The following ITGB1 variants were observed in gnomAD, a reference collection of about 807,000 sequenced individuals.
ITGB1 encodes the protein integrin subunit beta 1, also known as integrin beta-1.
A neutral mutation model predicts 86.5 loss-of-function variants in ITGB1; 24 were observed. The ratio of observed to expected loss-of-function variants is 0.28; its 90% CI spans 0.20 to 0.39. The LOEUF (loss-of-function observed/expected upper bound fraction) is 0.39, where lower values mean the gene tolerates loss of function less well. ITGB1 is among the 10% of genes least tolerant of loss of function. The pLI is 1.00. For synonymous variants in ITGB1, 323 were observed against 316.8 expected (o/e 1.02, Z -0.21); for missense variants, 556 against 946.9 (o/e 0.59, Z 5.42).
At chr10:32,951,102 A>C (rs939981176) in intron 1 of ITGB1, among the ~76,000 whole-genome samples, 9 of 152,214 alleles carry the variant, frequency 5.9e-5, no homozygotes, top group Non-Finnish European at 1.3e-4. Flanking sequence ...ACAGAACAAA[A>C]AGTGAAAGGA....
chr10:32,932,450 T>C (rs2094986542), intron 3 of ITGB1, 65 bp downstream of exon 3: 2 of 862,908 alleles, frequency 2.3e-6, no homozygotes, highest in Non-Finnish European at 4.0e-6. Flanking sequence ...TTCTGAAGGA[T>C]ACAGCACTGA....
At chr10:32,928,996 CTG>C (rs1226866530) in intron 4 of ITGB1, among the ~76,000 whole-genome samples, 1 of 151,930 alleles carries the variant, frequency 6.6e-6, no homozygotes, top group Non-Finnish European at 1.5e-5. Context: ...CAAGAAAAGT[CTG>C]TGTTGCTGCA....
intron 1 of ITGB1, chr10:32,936,157 A>AG (rs1268399832): frequency 2.6e-5 from 4 of 152,334 alleles, no homozygotes; most frequent in Non-Finnish European, 2.9e-5. Flanking sequence ...AACTTCTGCC[A>AG]GGAGCGCTGG....
intron 1 of ITGB1, among the ~76,000 whole-genome samples, chr10:32,940,963 G>T (rs1469302386): frequency 6.6e-6 from 1 of 152,264 alleles, no homozygotes; most frequent in African/African-American, 2.4e-5. Flanking sequence ...CTGCTTCAGG[G>T]AACTTTCAGT....
Position 32,935,554 on chromosome 10 carries a change from T to C in ITGB1, c.5A>G (p.Asn2Ser), listed in dbSNP as rs916061555. The change falls in exon 2 of 16, where the codon AAT becomes AGT. Residue 2 changes from asparagine (N) to serine (S), a missense_variant. Around this residue, in one of 4 missense-constraint regions of ITGB1, gnomAD observed 183 missense variants for 263.9 expected, o/e 0.69. Coordinates refer to ENST00000302278, the MANE Select transcript of ITGB1 (RefSeq NM_002211.4). Reference protein sequence around the residue: MNLQPIFWIGLI... With the variant: MSLQPIFWIGLI... Reference sequence around the variant, plus strand: ...TCCAATCCAGAAAATTGGTTGTAAATTCATCTGAAATGTAAAATGTGCCTT... The same window carrying C: ...TCCAATCCAGAAAATTGGTTGTAAACTCATCTGAAATGTAAAATGTGCCTT... The C allele has an allele frequency of 1.2e-6, 2 of 1,609,192 alleles. No individual in the cohort carries two copies. The highest frequency in any genetic ancestry group is 1.7e-6 in the Non-Finnish European group (2 of 1,175,666).
chr10:32,902,471 T>C (rs1410795475), intron 15 of ITGB1, among the ~76,000 whole-genome samples: 1 of 152,238 alleles, frequency 6.6e-6, no homozygotes, highest in Non-Finnish European at 1.5e-5. Context: ...TATAGCATTC[T>C]TTTTTCTCCT....
At chr10:32,931,003 G>A (rs868677186) in intron 3 of ITGB1, among the ~76,000 whole-genome samples, 7 of 151,966 alleles carry the variant, frequency 4.6e-5, no homozygotes, top group South Asian at 2.1e-4. Flanking sequence ...TCAATTTAAC[G>A]GTGCTGTATA....
intron 15 of ITGB1, among the ~76,000 whole-genome samples, chr10:32,905,413 T>C (rs1375030724): frequency 6.6e-6 from 1 of 152,206 alleles, no homozygotes; most frequent in African/African-American, 2.4e-5. Flanking sequence ...TTAAAGTGAT[T>C]TCCCTAACAT....
At chr10:32,932,325 A>G (rs2094986149) in intron 3 of ITGB1, among the ~76,000 whole-genome samples, 190 bp downstream of exon 3, 1 of 152,178 alleles carries the variant, frequency 6.6e-6, no homozygotes, top group Non-Finnish European at 1.5e-5. Flanking sequence ...GAGCAATTCT[A>G]ATTTGTACAA....
In ITGB1 at chr10:32,908,588, T is replaced by C. The variant is rs922185611; in HGVS notation, c.2165-54A>G. Reference sequence around the variant, plus strand: ...CCACAAAGAGCTGTGCAGTGTCTTATAAAAAACATACAGGAATAAACACCC... The same window carrying C: ...CCACAAAGAGCTGTGCAGTGTCTTACAAAAAACATACAGGAATAAACACCC... On this transcript the variant is annotated intron_variant, in intron 14 of 15. Coordinates refer to ENST00000302278, the MANE Select transcript of ITGB1 (RefSeq NM_002211.4). 7.4e-6 allele frequency: 11 copies of C among 1,491,416 alleles called. No homozygotes were observed. The African/African-American group carries it at 1.4e-4, about 19-fold the overall frequency. The allele number at this position is 1,491,416 out of a possible 1,614,324, so 92.4% of individuals were successfully genotyped here.
chr10:32,903,755 C>T (rs1353144934), intron 15 of ITGB1, among the ~76,000 whole-genome samples: 2 of 152,128 alleles, frequency 1.3e-5, no homozygotes, highest in African/African-American at 2.4e-5. Context: ...GAAGCTAATA[C>T]ATTATACAGC....
At chr10:32,929,461 A>C (rs1438557292) in intron 4 of ITGB1, among the ~76,000 whole-genome samples, 9 of 152,206 alleles carry the variant, frequency 5.9e-5, no homozygotes, top group South Asian at 4.1e-4. Context: ...CAGTTTAATA[A>C]TACTAAACAA....
At chr10:32,928,324 A>G in intron 4 of ITGB1, 60 bp from the exon 5 acceptor site, 1 of 727,810 alleles carries the variant, frequency 1.4e-6, no homozygotes, top group Non-Finnish European at 2.4e-6. Context: ...CGCAAACGAG[A>G]AAAACCAAAT....
chr10:32,952,418 C>T (rs1453652003), intron 1 of ITGB1, among the ~76,000 whole-genome samples: 2 of 150,630 alleles, frequency 1.3e-5, no homozygotes, highest in African/African-American at 2.4e-5. Flanking sequence ...TAACATTATA[C>T]TACCAAATGT....
chr10:32,915,582 T>C (rs2094928961), intron 11 of ITGB1, among the ~76,000 whole-genome samples: 1 of 152,200 alleles, frequency 6.6e-6, no homozygotes, highest in Admixed American at 6.5e-5. Flanking sequence ...GATAAATTCC[T>C]GGACAAATAC....
chr10:32,940,572 T>C (rs2095016055), intron 1 of ITGB1, among the ~76,000 whole-genome samples: 2 of 152,224 alleles, frequency 1.3e-5, no homozygotes, highest in Non-Finnish European at 1.5e-5. Flanking sequence ...TATAATCTTA[T>C]GGGACCACTG....
At chr10:32,939,919 G>A (rs1460112730) in intron 1 of ITGB1, among the ~76,000 whole-genome samples, 2 of 152,130 alleles carry the variant, frequency 1.3e-5, no homozygotes, top group African/African-American at 2.4e-5. Flanking sequence ...ACTGTCTTGC[G>A]CCTGCATATC....
At chr10:32,905,660 C>T (rs2094894109) in intron 15 of ITGB1, among the ~76,000 whole-genome samples, 1 of 152,250 alleles carries the variant, frequency 6.6e-6, no homozygotes, top group African/African-American at 2.4e-5. Context: ...GGTCAAGTTA[C>T]ATAACCCTTA....
At chr10:32,925,664 T>G (rs1306191433) in intron 6 of ITGB1, among the ~76,000 whole-genome samples, 1 of 152,234 alleles carries the variant, frequency 6.6e-6, no homozygotes, top group African/African-American at 2.4e-5. Flanking sequence ...ATAAACTAAC[T>G]GTGTGGTTTG....
Sources: gnomAD v4.1 joint callset for allele counts (sites outside exome capture counted in the v4.1 genomes callset) on GRCh38, gnomAD v4.1.1 for gene constraint, gnomAD v4.1.1 regional missense constraint, MANE v1.5 for transcripts, NCBI Gene and HGNC (gene_info 2026-07-23, HGNC 2026-07-21) for gene names.